PHB2: variants seen among roughly 807,000 people sequenced by gnomAD.
The protein encoded by PHB2 is prohibitin 2.
Under a neutral mutation model 46.4 loss-of-function variants are expected in PHB2, and 22 were observed. The ratio of observed to expected loss-of-function variants is 0.47; its 90% CI spans 0.34 to 0.68. PHB2 has a LOEUF of 0.68. Ranked by LOEUF, PHB2 falls within the 30% of genes least tolerant of loss-of-function variation. PHB2 has a pLI of 0.01. For synonymous variants in PHB2, 156 were observed against 150.5 expected (o/e 1.04, Z -0.27); for missense variants, 305 against 382.8 (o/e 0.80, Z 1.70).
chr12:6,967,024 C>G lies in PHB2; in HGVS notation c.789+147G>C. ...TTGGCCTCCCAAAGTGCGGGGATTA[C>G]ATGCGTGAGCCACCGCGCCGGCCAG... is the stretch of plus-strand genomic sequence containing the variant. On this transcript the variant is annotated intron_variant, in intron 7 of 9. Coordinates refer to ENST00000535923, the MANE Select transcript of PHB2 (RefSeq NM_001144831.2). This position sits in a 1 kb window ranked among gnomAD's most constrained non-coding sequence, Gnocchi z 4.9. The G allele has an allele frequency of 1.5e-6, 1 of 673,204 alleles. No homozygotes were observed. Among genetic ancestry groups the G allele is most frequent in the Non-Finnish European group, 2.6e-6 (1 of 381,858 alleles). 41.7% of individuals were successfully genotyped at this position (673,204 alleles called of 1,614,324 possible).
In PHB2 at chr12:6,966,412, CA is replaced by C; in HGVS notation, c.866+11del. On this transcript the variant is annotated intron_variant, in intron 8 of 9. Coordinates refer to ENST00000535923, the MANE Select transcript of PHB2 (RefSeq NM_001144831.2). ...TCTTGGTGATACCCCACAGTGTGGC[CA>C]CATCTCTCACCTGGTGAAACTTTCA... The C allele has an allele frequency of 6.5e-7, 1 of 1,543,448 alleles. No individual in the cohort carries two copies. Among genetic ancestry groups the C allele is most frequent in the Non-Finnish European group, 9.0e-7 (1 of 1,115,486 alleles).
In PHB2 at chr12:6,965,448, A is replaced by G. The variant is rs1374759823; in HGVS notation, c.*237T>C. The G allele has an allele frequency of 1.7e-6, 1 of 580,084 alleles. No homozygotes were observed. The highest frequency in any genetic ancestry group is 3.1e-6 in the Non-Finnish European group (1 of 324,000). The allele number at this position is 580,084 out of a possible 1,614,324, so 35.9% of individuals were successfully genotyped here. A position where few individuals can be genotyped will look rare whatever the true frequency, so the allele number is the denominator to read the frequency against. On this transcript the variant is annotated 3_prime_UTR_variant, in exon 10 of 10. Coordinates refer to ENST00000535923, the MANE Select transcript of PHB2 (RefSeq NM_001144831.2). ...GGAACAACACTGTAGGAAATCACTG[A>G]GAAATCACGCACTGTCCCCAACAGC...
chr12:6,965,912 T>G lies in PHB2; in HGVS notation c.871A>C (p.Ser291Arg). Residue 291 changes from serine to arginine, a missense_variant and splice_region_variant, in exon 9 of 10, where the codon AGT becomes CGT. Ser to Arg is a moderately radical substitution (Grantham distance 110). Transcript: ENST00000535923. The stretch of plus-strand genomic sequence containing the variant: ...CCCACAGAAGCAACAACAGCTTACC[T>G]TCCCCTGTGGTGCCAGATCGCCAGA... ...NLQDESFTRG[S>R]DSLIKGKK The G allele has an allele frequency of 1.3e-6, 2 of 1,598,906 alleles. No homozygotes were observed. Among genetic ancestry groups the G allele is most frequent in the Non-Finnish European group, 1.7e-6 (2 of 1,179,418 alleles).
chr12:6,965,466 C>T lies in PHB2; in HGVS notation c.*219G>A. 1.7e-6 allele frequency: 1 copy of T among 606,020 alleles called. No homozygotes were observed. The highest frequency in any genetic ancestry group is 3.0e-6 in the Non-Finnish European group (1 of 338,514). The allele number at this position is 606,020 out of a possible 1,614,324, so 37.5% of individuals were successfully genotyped here. ...ATCACTGAGAAATCACGCACTGTCC[C>T]CAACAGCCCCAGTTAACACAGGGAG... On this transcript the variant is annotated 3_prime_UTR_variant, in exon 10 of 10. Coordinates refer to ENST00000535923, the MANE Select transcript of PHB2 (RefSeq NM_001144831.2).
At position 6,965,620 on chromosome 12, in the gene PHB2, TG is replaced by T; in HGVS notation, c.*64del. On this transcript the variant is annotated 3_prime_UTR_variant, in exon 10 of 10. Coordinates refer to ENST00000535923, the MANE Select transcript of PHB2 (RefSeq NM_001144831.2). ...GGTAGGGCTGTGCTGGACCCCTGGC[TG>T]GCTCCTCAAAAACTGGAGAAGCAGA... The T allele has an allele frequency of 7.2e-7, 1 of 1,384,682 alleles. No homozygotes were observed. Among genetic ancestry groups the T allele is most frequent in the Non-Finnish European group, 1.0e-6 (1 of 979,852 alleles). The allele number at this position is 1,384,682 out of a possible 1,614,324, so 85.8% of individuals were successfully genotyped here.
upstream of PHB2, chr12:6,970,703 C>G (rs1009851213): frequency 1.0e-6 from 1 of 982,490 alleles, no homozygotes; most frequent in Middle Eastern, 3.3e-4. Context: ...AAACCCTCCC[C>G]CTTAGCCCAC....
Position 6,967,258 on chromosome 12 carries a change from G to A in PHB2, c.712-10C>T. 3 of 1,613,878 alleles carry A rather than the reference G, an allele frequency of 1.9e-6. No homozygotes were observed. Among genetic ancestry groups the A allele is most frequent in the Non-Finnish European group, 2.5e-6 (3 of 1,179,760 alleles). ...TCAGTGCTTCTCCAAGGTGAGGAGG[G>A]TTAAGGTACACGCAAGGGCAGGTCT... On this transcript the variant is annotated splice_polypyrimidine_tract_variant and intron_variant, in intron 6 of 9. Coordinates refer to ENST00000535923, the MANE Select transcript of PHB2 (RefSeq NM_001144831.2). This position sits in a 1 kb window ranked among gnomAD's most constrained non-coding sequence, Gnocchi z 4.9.
intron 9 of PHB2, 44 bp downstream of exon 9, chr12:6,965,867 G>A: frequency 6.3e-7 from 1 of 1,598,172 alleles, no homozygotes. Context: ...GCGGGTACTG[G>A]AGAAGGTGGC....
rs200255820 is a variant in PHB2, at chr12:6,967,713, A to G, written c.674T>C (p.Ile225Thr). Residue 225 changes from isoleucine to threonine, a missense_variant, in exon 6 of 10, where the codon ATT becomes ACT. Ile to Thr is a moderately conservative substitution (Grantham distance 89, BLOSUM62 -1). Around this residue, in one of 3 missense-constraint regions of PHB2, gnomAD observed 241 missense variants for 302.7 expected, o/e 0.80. Transcript: ENST00000535923. The surrounding 1 kb of genome is among the most constrained non-coding windows in gnomAD (Gnocchi z 4.9). ...EKAKQEQRQK[I>T]VQAEGEAEAA... ...CTCGGCCTCACCCTCGGCCTGCACA[A>G]TTTTCTGCCGCTGTTCCTGCTTTGC... 10 of 1,613,696 alleles carry G rather than the reference A, an allele frequency of 6.2e-6. No individual in the cohort carries two copies. Among genetic ancestry groups the G allele is most frequent in the South Asian group, 3.3e-5 (3 of 91,078 alleles).
At chr12:6,968,077 T>G in intron 4 of PHB2, 56 bp from the exon 5 acceptor site, 1 of 1,511,580 alleles carries the variant, frequency 6.6e-7, no homozygotes, top group African/African-American at 1.4e-5. Context: ...ACTGGGGAGC[T>G]GAAAGGAAGG....
chr12:6,965,816 G>A, intron 9 of PHB2, 95 bp downstream of exon 9: 1 of 1,565,954 alleles, frequency 6.4e-7, no homozygotes, highest in Non-Finnish European at 8.7e-7. Context: ...CCTGATTGAG[G>A]GTTTGTCTTC....
chr12:6,967,740 T>C lies in PHB2; in HGVS notation c.647A>G (p.Lys216Arg), dbSNP rs1250541928. ...EAQRAQFLVE[K>R]AKQEQRQKIV... ...TTTCTGCCGCTGTTCCTGCTTTGCT[T>C]TTTCTACCAAGAATTGGGCCCGCTG... Residue 216 changes from lysine (K) to arginine (R), a missense_variant, in exon 6 of 10, where the codon AAA (lysine) becomes AGA (arginine). Lys to Arg is a conservative substitution (Grantham distance 26, BLOSUM62 2). This residue lies in a region of PHB2 where 241 missense variants were observed against 302.7 expected (regional missense o/e 0.80). Coordinates refer to ENST00000535923, the MANE Select transcript of PHB2 (RefSeq NM_001144831.2). This position sits in a 1 kb window ranked among gnomAD's most constrained non-coding sequence, Gnocchi z 4.9. 1 of 1,613,954 alleles carries C rather than the reference T, an allele frequency of 6.2e-7. No individual in the cohort carries two copies. Among genetic ancestry groups the C allele is most frequent in the Non-Finnish European group, 8.5e-7 (1 of 1,179,890 alleles).
rs782778046 is a variant in PHB2, at chr12:6,967,376, C to G, written c.712-128G>C. 7 of 1,608,856 alleles carry G rather than the reference C, an allele frequency of 4.4e-6. No homozygotes were observed. The Admixed American group carries it at 6.7e-5, about 15-fold the overall frequency. On this transcript the variant is annotated intron_variant, in intron 6 of 9. Transcript: ENST00000535923. The surrounding 1 kb of genome is among the most constrained non-coding windows in gnomAD (Gnocchi z 4.9). ...TTGCGCTCAGGTGGCTTGTGCCCAG[C>G]CCTACCGTGGACCCCACCTGTGGGC...
rs782605224 is a variant in PHB2, at chr12:6,967,315, T to C, written c.712-67A>G. 6.2e-7 allele frequency: 1 copy of C among 1,611,682 alleles called. No homozygotes were observed. The highest frequency in any genetic ancestry group is 2.2e-5 in the East Asian group (1 of 44,772). Reference sequence around the variant, plus strand: ...CTGGCCCTGTCCTTACCACACTCCCTTGCTCCAGTCCTCCTCTGGGCTGTC... The same window carrying C: ...CTGGCCCTGTCCTTACCACACTCCCCTGCTCCAGTCCTCCTCTGGGCTGTC... On this transcript the variant is annotated intron_variant, in intron 6 of 9. Transcript: ENST00000535923. The surrounding 1 kb of genome is among the most constrained non-coding windows in gnomAD (Gnocchi z 4.9).
chr12:6,970,659 C>T lies in PHB2; in HGVS notation c.-116G>A, dbSNP rs1946309421. The T allele has an allele frequency of 1.6e-6, 2 of 1,288,932 alleles. No homozygotes were observed. The highest frequency in any genetic ancestry group is 1.5e-5 in the African/African-American group (1 of 67,154). The allele number at this position is 1,288,932 out of a possible 1,614,324, so 79.8% of individuals were successfully genotyped here. On this transcript the variant is annotated 5_prime_UTR_variant, in exon 1 of 10. Transcript: ENST00000535923. ...CGAGGGTTCGGGCCCGTAAGGCTGG[C>T]GAAAGAAAGGGCAGCGGAAGTGCGC...
chr12:6,970,075 G>T, intron 2 of PHB2, 121 bp downstream of exon 2: 1 of 799,538 alleles, frequency 1.3e-6, no homozygotes, highest in Non-Finnish European at 2.2e-6. Flanking sequence ...TATCCTAGGG[G>T]CAGGGATGAG....
chr12:6,968,746 C>T (rs1555151384), intron 3 of PHB2, 151 bp from the exon 4 acceptor site: 8 of 694,858 alleles, frequency 1.2e-5, no homozygotes, highest in Non-Finnish European at 2.1e-5. Flanking sequence ...ACAAGGAAGA[C>T]AAGACGCAGC....
In PHB2 at chr12:6,967,385, G is replaced by T; in HGVS notation, c.712-137C>A. 2 of 1,602,264 alleles carry T rather than the reference G, an allele frequency of 1.2e-6. No individual in the cohort carries two copies. Among genetic ancestry groups the T allele is most frequent in the Non-Finnish European group, 1.7e-6 (2 of 1,172,472 alleles). ...GGTGGCTTGTGCCCAGCCCTACCGT[G>T]GACCCCACCTGTGGGCCTCCCTGCA... On this transcript the variant is annotated intron_variant, in intron 6 of 9. Coordinates refer to ENST00000535923, the MANE Select transcript of PHB2 (RefSeq NM_001144831.2). The surrounding 1 kb of genome is among the most constrained non-coding windows in gnomAD (Gnocchi z 4.9).
Position 6,966,503 on chromosome 12 carries a change from A to G in PHB2, c.790-3T>C, listed in dbSNP as rs782177029. 3 of 1,594,162 alleles carry G rather than the reference A, an allele frequency of 1.9e-6. No homozygotes were observed. The highest frequency in any genetic ancestry group is 2.6e-6 in the Non-Finnish European group (3 of 1,161,684). On this transcript the variant is annotated splice_region_variant and splice_polypyrimidine_tract_variant and intron_variant, in intron 7 of 9. Transcript: ENST00000535923. ...ATACGATTCTGTGATGTGGCGATCT[A>G]CAGGGCAGGAAATAAGACAGATGCT... is the stretch of plus-strand genomic sequence containing the variant.
Sources: gnomAD v4.1 joint callset for allele counts on GRCh38, gnomAD v4.1.1 for gene constraint, gnomAD v4.1.1 regional missense constraint, Gnocchi (gnomAD v3.1) non-coding constraint, MANE v1.5 for transcripts, NCBI Gene and HGNC (gene_info 2026-07-23, HGNC 2026-07-21) for gene names.